Variants in CCDC88C observed in about 807,000 individuals in gnomAD.
CCDC88C encodes coiled-coil and HOOK domain protein 88C, also known as protein Daple.
A neutral mutation model predicts 198.8 loss-of-function variants in CCDC88C; 131 were observed. The ratio of observed to expected loss-of-function variants is 0.66; its 90% CI spans 0.57 to 0.76. CCDC88C has a LOEUF of 0.76. CCDC88C is among the 30% of genes least tolerant of loss of function. The pLI is 0.00. For synonymous variants in CCDC88C, 1,166 were observed against 1,114.7 expected (o/e 1.05, Z -0.92); for missense variants, 2,553 against 2,631.6 (o/e 0.97, Z 0.65).
Position 91,326,002 on chromosome 14 carries a change from G to A in CCDC88C, c.1105C>T (p.Gln369Ter). 1 of 1,603,618 alleles carries A rather than the reference G, an allele frequency of 6.2e-7. No individual in the cohort carries two copies. The highest frequency in any genetic ancestry group is 8.5e-7 in the Non-Finnish European group (1 of 1,174,718). The change falls in exon 11 of 30, where the codon CAG becomes TAG. Residue 369 changes from glutamine to a stop codon, truncating the protein, a stop_gained. Transcript: ENST00000389857. LOFTEE classifies it high-confidence loss of function. ...LIETKAMLEEQLTAARARGDK... is the reference protein window; with the variant it reads ...LIETKAMLEE ...CCCCGGGCCCGAGCAGCAGTCAGCT[G>A]TTCCTCCAGCATGGCCTTGGTTTCA...
chr14:91,382,242 C>T (rs564432154), intron 3 of CCDC88C, among the ~76,000 whole-genome samples: 22 of 152,272 alleles, frequency 1.4e-4, no homozygotes, highest in African/African-American at 3.6e-4. Flanking sequence ...CAAATCTCAA[C>T]GCAGAGGCCT....
chr14:91,385,083 C>A (rs1385375218), intron 3 of CCDC88C, among the ~76,000 whole-genome samples: 1 of 152,186 alleles, frequency 6.6e-6, no homozygotes, highest in Non-Finnish European at 1.5e-5. Flanking sequence ...TTTTCTAAGA[C>A]AGACAAGGTC....
chr14:91,293,098 G>C (rs1447800233), intron 23 of CCDC88C, among the ~76,000 whole-genome samples: 1 of 135,476 alleles, frequency 7.4e-6, no homozygotes, highest in East Asian at 2.4e-4. Flanking sequence ...GTCCTCACCT[G>C]CCACGGCCCA....
At chr14:91,277,708 C>T (rs1021654684) in intron 29 of CCDC88C, among the ~76,000 whole-genome samples, 1 of 152,250 alleles carries the variant, frequency 6.6e-6, no homozygotes, top group Non-Finnish European at 1.5e-5. Flanking sequence ...CAGCTCACTT[C>T]CCAGACCCAG....
intron 4 of CCDC88C, among the ~76,000 whole-genome samples, chr14:91,348,891 T>A (rs556792893): frequency 1.3e-5 from 2 of 152,300 alleles, no homozygotes; most frequent in South Asian, 4.1e-4. Flanking sequence ...AACAAAAACA[T>A]CCTGTGATCC....
intron 4 of CCDC88C, among the ~76,000 whole-genome samples, chr14:91,345,530 A>G (rs150844570): frequency 1.3e-5 from 2 of 152,202 alleles, no homozygotes; most frequent in Non-Finnish European, 2.9e-5. Flanking sequence ...AAAGAATATC[A>G]TGGTAGCTAA....
intron 25 of CCDC88C, among the ~76,000 whole-genome samples, chr14:91,285,151 C>T (rs1890348073): frequency 6.6e-6 from 1 of 152,194 alleles, no homozygotes; most frequent in African/African-American, 2.4e-5. Context: ...CAAAACAGAA[C>T]ACATTTTATA....
intron 3 of CCDC88C, among the ~76,000 whole-genome samples, chr14:91,380,081 C>T (rs948799012): frequency 2.6e-4 from 40 of 152,206 alleles, no homozygotes; most frequent in Non-Finnish European, 8.8e-5. Context: ...GGTCCTGAGA[C>T]AGTCAGGGTC....
chr14:91,413,206 G>A (rs754898709), intron 2 of CCDC88C, among the ~76,000 whole-genome samples: 1 of 152,140 alleles, frequency 6.6e-6, no homozygotes, highest in Non-Finnish European at 1.5e-5. Context: ...TAAGGGCATG[G>A]GTACACGTAC....
chr14:91,277,373 C>T (rs1315885769), intron 29 of CCDC88C, among the ~76,000 whole-genome samples: 7 of 152,102 alleles, frequency 4.6e-5, no homozygotes, highest in African/African-American at 4.8e-5. Flanking sequence ...TCACATCATG[C>T]GAAAATCATA....
intron 3 of CCDC88C, among the ~76,000 whole-genome samples, chr14:91,395,145 G>A (rs530299773): frequency 3.3e-5 from 5 of 152,170 alleles, no homozygotes; most frequent in African/African-American, 9.7e-5. Context: ...CCCACCATTC[G>A]ACCTTGTGCC....
chr14:91,408,553 G>T, intron 3 of CCDC88C, 106 bp downstream of exon 3: 1 of 731,978 alleles, frequency 1.4e-6, no homozygotes. Flanking sequence ...ACAAGTAGAG[G>T]CCTAAACATA....
At chr14:91,387,213 G>T (rs1250789868) in intron 3 of CCDC88C, among the ~76,000 whole-genome samples, 1 of 152,188 alleles carries the variant, frequency 6.6e-6, no homozygotes, top group East Asian at 1.9e-4. Flanking sequence ...TTTACGCAAA[G>T]ATAATTTAAC....
chr14:91,292,807 C>T (rs866894436), intron 23 of CCDC88C, among the ~76,000 whole-genome samples: 5 of 152,256 alleles, frequency 3.3e-5, no homozygotes, highest in African/African-American at 1.2e-4. Context: ...TTCTGAACCA[C>T]GAGATTCCTG....
Position 91,338,659 on chromosome 14 carries a change from G to A in CCDC88C, c.810-89C>T. 1.0e-6 allele frequency: 1 copy of A among 989,422 alleles called. No homozygotes were observed. Among genetic ancestry groups the A allele is most frequent in the Admixed American group, 2.0e-5 (1 of 49,362 alleles). 61.3% of individuals were successfully genotyped at this position (989,422 alleles called of 1,614,324 possible). On this transcript the variant is annotated intron_variant, in intron 8 of 29. Coordinates refer to ENST00000389857, the MANE Select transcript of CCDC88C (RefSeq NM_001080414.4). This position sits in a 1 kb window ranked among gnomAD's most constrained non-coding sequence, Gnocchi z 4.8. ...AGGCTGCCACTTCCTAAAACCTGTG[G>A]GAAAAGGAAAGGACTCGGGATTTGG...
At chr14:91,417,201 C>A in intron 1 of CCDC88C, 2 of 703,112 alleles carry the variant, frequency 2.8e-6, no homozygotes, top group Non-Finnish European at 5.2e-6. Flanking sequence ...CCCCATTCCC[C>A]ACCCGTCACC....
At position 91,312,268 on chromosome 14, in the gene CCDC88C, A is replaced by C. The variant is rs918655714; in HGVS notation, c.2736+812T>G. Among the ~76,000 whole-genome samples, 18 of 152,146 alleles carry C rather than the reference A, an allele frequency of 1.2e-4. No individual in the cohort carries two copies. The East Asian group carries it at 3.3e-3, about 28-fold the overall frequency. ...GCGAGGCGTGATGGTGCGTGTCTGT[A>C]ATCCCAATACTTAGGAGGCTGAGGC... On this transcript the variant is annotated intron_variant, in intron 15 of 29. Coordinates refer to ENST00000389857, the MANE Select transcript of CCDC88C (RefSeq NM_001080414.4).
chr14:91,342,572 T>TCTC, intron 5 of CCDC88C, 109 bp from the exon 6 acceptor site: 2 of 739,500 alleles, frequency 2.7e-6, no homozygotes, highest in Non-Finnish European at 4.9e-6. Context: ...ACCCCGGGCT[T>TCTC]CTCCTTCATA....
At chr14:91,351,326 G>A (rs1445813194) in intron 4 of CCDC88C, among the ~76,000 whole-genome samples, 3 of 152,168 alleles carry the variant, frequency 2.0e-5, no homozygotes, top group African/African-American at 4.8e-5. Context: ...CACTGAACAC[G>A]ACCCTGTTGT....
Sources: gnomAD v4.1 joint callset for allele counts (sites outside exome capture counted in the v4.1 genomes callset) on GRCh38, gnomAD v4.1.1 for gene constraint, Gnocchi (gnomAD v3.1) non-coding constraint, MANE v1.5 for transcripts, NCBI Gene and HGNC (gene_info 2026-07-23, HGNC 2026-07-21) for gene names.